The following OCLN variants were observed in gnomAD, a reference collection of about 807,000 sequenced individuals.
OCLN encodes the protein occludin.
Under a neutral mutation model 47.9 loss-of-function variants are expected in OCLN, and 21 were observed. That is an observed-to-expected ratio of 0.44 (90% confidence interval 0.31 to 0.63). The LOEUF (loss-of-function observed/expected upper bound fraction) is 0.63, where lower values mean the gene tolerates loss of function less well. Among genes scored for constraint, OCLN ranks in the 30% least tolerant of loss-of-function variants. OCLN has a pLI of 0.08. For synonymous variants in OCLN, 117 were observed against 198.4 expected, an observed-to-expected ratio of 0.59 and a Z score of 3.45; for missense variants, 360 against 571.0, an observed-to-expected ratio of 0.63 and a Z score of 3.77.
chr5:69,506,252 C>T (rs1017205704), intron 2 of OCLN, among the ~76,000 whole-genome samples: 2 of 152,152 alleles, frequency 1.3e-5, no homozygotes, highest in African/African-American at 4.8e-5. Context: ...TGAGGCCAGC[C>T]TGGGCAACAT....
chr5:69,528,710 A>C (rs1389472506), intron 4 of OCLN, among the ~76,000 whole-genome samples: 1 of 152,208 alleles, frequency 6.6e-6, no homozygotes, highest in Admixed American at 6.6e-5. Context: ...TTAACTGTAG[A>C]AACTCAATTT....
intron 1 of OCLN, among the ~76,000 whole-genome samples, chr5:69,501,296 T>C (rs961219163): frequency 1.5e-4 from 23 of 152,352 alleles, no homozygotes; most frequent in Non-Finnish European, 2.8e-4. Context: ...CATTTTCGCC[T>C]AAATTGCTCA....
intron 2 of OCLN, among the ~76,000 whole-genome samples, chr5:69,505,851 A>G (rs1378654148): frequency 6.6e-6 from 1 of 152,150 alleles, no homozygotes; most frequent in East Asian, 1.9e-4. Flanking sequence ...ATTTGTGGGG[A>G]TATTTCCCCA....
intron 5 of OCLN, among the ~76,000 whole-genome samples, chr5:69,536,805 A>G (rs1769600658): frequency 6.6e-6 from 1 of 152,022 alleles, no homozygotes. Flanking sequence ...CGTGTCTACT[A>G]AAAGTACGAA....
intron 4 of OCLN, among the ~76,000 whole-genome samples, chr5:69,529,239 G>C (rs963926578): frequency 5.3e-5 from 8 of 152,166 alleles, no homozygotes; most frequent in Admixed American, 2.0e-4. Flanking sequence ...CTCTAAAGGA[G>C]AGCTGCCCTG....
At chr5:69,496,102 C>CTTT (rs375038844) in intron 1 of OCLN, among the ~76,000 whole-genome samples, 3 of 143,224 alleles carry the variant, frequency 2.1e-5, no homozygotes, top group Non-Finnish European at 3.1e-5. Context: ...ACAACTTAAA[C>CTTT]TTTTTTTTTT....
intron 5 of OCLN, 184 bp from the exon 6 acceptor site, chr5:69,544,720 T>TCAA: frequency 2.5e-6 from 1 of 401,318 alleles, no homozygotes; most frequent in Non-Finnish European, 4.3e-6. Flanking sequence ...ATTAGAGGAC[T>TCAA]CTGAACTGCT....
chr5:69,523,490 A>G (rs1769196580), intron 4 of OCLN, among the ~76,000 whole-genome samples: 1 of 151,594 alleles, frequency 6.6e-6, no homozygotes, highest in African/African-American at 2.4e-5. Context: ...GAGCATTTCC[A>G]TGCCAGTAGA....
chr5:69,504,803 C>T (rs1273050424), intron 2 of OCLN, among the ~76,000 whole-genome samples: 1 of 151,954 alleles, frequency 6.6e-6, no homozygotes, highest in Non-Finnish European at 1.5e-5. Flanking sequence ...GCTGTGGTGG[C>T]GCGCACCTCT....
intron 2 of OCLN, among the ~76,000 whole-genome samples, chr5:69,508,366 A>G (rs1465811741): frequency 6.6e-6 from 1 of 151,290 alleles, no homozygotes; most frequent in Non-Finnish European, 1.5e-5. Context: ...TTTGAGACGG[A>G]GTCTTGCTCT....
intron 4 of OCLN, among the ~76,000 whole-genome samples, chr5:69,523,578 C>G (rs973303511): frequency 2.6e-5 from 4 of 151,138 alleles, no homozygotes; most frequent in African/African-American, 9.7e-5. Flanking sequence ...CTCTGTCACA[C>G]AGGCTAGAGT....
rs980545851 is a variant in OCLN at position 69,500,209 on chromosome 5, G to A, written c.-68-3968G>A. On this transcript the variant is annotated intron_variant, in intron 1 of 8. Coordinates refer to ENST00000396442, the MANE Select transcript of OCLN (RefSeq NM_001205254.2). ...ATGGTTCATTCTTTTGTGCTAATTG[G>A]GTGCCGTAATCCAGCCCCTTGGGAA... Among the ~76,000 whole-genome samples the A allele has an allele frequency of 3.3e-5, 5 of 152,098 alleles. 1 individual carries two copies. Among genetic ancestry groups the A allele is most frequent in the Admixed American group, 3.3e-4 (5 of 15,256 alleles).
chr5:69,524,382 A>G (rs1769222180), intron 4 of OCLN, among the ~76,000 whole-genome samples: 1 of 152,200 alleles, frequency 6.6e-6, no homozygotes, highest in South Asian at 2.1e-4. Context: ...CCTATCTAGA[A>G]TTTTGAGTTT....
At chr5:69,515,591 C>A (rs1768929551) in intron 4 of OCLN, among the ~76,000 whole-genome samples, 1 of 148,750 alleles carries the variant, frequency 6.7e-6, no homozygotes, top group Non-Finnish European at 1.5e-5. Flanking sequence ...GGGGGCTGAC[C>A]CCCCCACCTC....
chr5:69,522,028 G>T (rs1769152646), intron 4 of OCLN, among the ~76,000 whole-genome samples: 1 of 152,086 alleles, frequency 6.6e-6, no homozygotes, highest in African/African-American at 2.4e-5. Context: ...AAGAGAGAGG[G>T]TCTCACTATG....
intron 4 of OCLN, among the ~76,000 whole-genome samples, chr5:69,515,302 C>T (rs1422549400): frequency 9.2e-5 from 13 of 141,688 alleles, no homozygotes; most frequent in Admixed American, 7.5e-4. Context: ...ACCTCCTTCC[C>T]GGATGGGGCG....
intron 4 of OCLN, among the ~76,000 whole-genome samples, chr5:69,514,761 CA>C (rs1224940182): frequency 2.0e-5 from 3 of 152,158 alleles, no homozygotes; most frequent in African/African-American, 7.2e-5. Flanking sequence ...ATCTGTTTAA[CA>C]AAGCACATCT....
At chr5:69,546,988 A>G (rs1769728560) in intron 6 of OCLN, among the ~76,000 whole-genome samples, 1 of 147,400 alleles carries the variant, frequency 6.8e-6, no homozygotes, top group South Asian at 2.2e-4. Flanking sequence ...AGTGGCTGGT[A>G]TATTGAGAAA....
At chr5:69,513,350 C>T (rs1245589523) in intron 3 of OCLN, among the ~76,000 whole-genome samples, 11 of 152,148 alleles carry the variant, frequency 7.2e-5, no homozygotes, top group African/African-American at 2.7e-4. Context: ...ACAGAGAAAC[C>T]TGCCAGACCA....
Sources: allele counts gnomAD v4.1 joint callset (sites outside exome capture counted in the v4.1 genomes callset), GRCh38; gene constraint gnomAD v4.1.1; transcripts MANE v1.5; gene names NCBI Gene and HGNC (gene_info 2026-07-23, HGNC 2026-07-21).